Variants in MDGA2 observed in about 807,000 individuals in gnomAD.
The protein encoded by MDGA2 is MAM domain-containing glycosylphosphatidylinositol anchor protein 2.
In MDGA2, 40 loss-of-function variants were observed where a neutral mutation model predicts 117.8. The ratio of observed to expected loss-of-function variants is 0.34; its 90% CI spans 0.26 to 0.44. The LOEUF is 0.44. Ranked by LOEUF, MDGA2 falls within the 20% of genes least tolerant of loss-of-function variation. The probability of loss-of-function intolerance (pLI) is 1.00; values close to 1 mark genes in which losing one functional copy is unlikely to be tolerated. For missense variants in MDGA2, 1,123 were observed against 1,250.6 expected, an observed-to-expected ratio of 0.90 and a Z score of 1.54; for synonymous variants, 452 against 439.0, an observed-to-expected ratio of 1.03 and a Z score of -0.37.
chr14:46,878,850 A>G (rs1392064015), intron 11 of MDGA2, among the ~76,000 whole-genome samples: 3 of 152,044 alleles, frequency 2.0e-5, no homozygotes, highest in Non-Finnish European at 2.9e-5. Context: ...TAGTTCTAAG[A>G]TATGTTGTAT....
chr14:46,978,212 C>A (rs978500557), intron 8 of MDGA2, among the ~76,000 whole-genome samples: 8 of 151,850 alleles, frequency 5.3e-5, no homozygotes, highest in Non-Finnish European at 1.0e-4. Flanking sequence ...ATCACATTGT[C>A]TTAATTTACT....
chr14:47,142,957 G>A (rs1399959199), intron 4 of MDGA2, among the ~76,000 whole-genome samples: 1 of 152,140 alleles, frequency 6.6e-6, no homozygotes, highest in African/African-American at 2.4e-5. Context: ...TTGCAAAACA[G>A]GAATATATAT....
chr14:47,101,856 A>G (rs1056131043), intron 5 of MDGA2, among the ~76,000 whole-genome samples: 1 of 152,198 alleles, frequency 6.6e-6, no homozygotes, highest in Non-Finnish European at 1.5e-5. Flanking sequence ...AGAGACAGAT[A>G]CATATTTTTC....
intron 1 of MDGA2, among the ~76,000 whole-genome samples, chr14:47,505,631 T>C (rs4900778): frequency 0.19 from 29,086 of 152,136 alleles, 3,491 homozygotes; most frequent in East Asian, 0.53. Flanking sequence ...TATGTCATTA[T>C]TTGCAAAATG....
chr14:46,900,784 G>A (rs568090864), intron 10 of MDGA2, among the ~76,000 whole-genome samples: 2 of 152,180 alleles, frequency 1.3e-5, no homozygotes, highest in South Asian at 2.1e-4. Flanking sequence ...ACAAAGCTAC[G>A]CACATGCAAA....
intron 1 of MDGA2, among the ~76,000 whole-genome samples, chr14:47,637,395 C>T (rs945325104): frequency 6.6e-5 from 10 of 152,096 alleles, no homozygotes; most frequent in African/African-American, 2.4e-4. Flanking sequence ...AACTAAATTC[C>T]GCATAAATAT....
chr14:46,993,268 G>A (rs1051934822), intron 8 of MDGA2, among the ~76,000 whole-genome samples: 5 of 152,008 alleles, frequency 3.3e-5, no homozygotes, highest in African/African-American at 4.8e-5. Flanking sequence ...ACACCTGGAA[G>A]CAATTTGCCT....
At chr14:47,177,496 T>C (rs1409544081) in intron 3 of MDGA2, among the ~76,000 whole-genome samples, 1 of 152,140 alleles carries the variant, frequency 6.6e-6, no homozygotes, top group Non-Finnish European at 1.5e-5. Context: ...TTCATGTCCT[T>C]TGTAGGGACA....
At chr14:47,151,430 G>A (rs568028523) in intron 3 of MDGA2, among the ~76,000 whole-genome samples, 13 of 152,258 alleles carry the variant, frequency 8.5e-5, no homozygotes, top group African/African-American at 3.1e-4. Context: ...TTATGATAAG[G>A]ACTTGAAGTT....
intron 2 of MDGA2, among the ~76,000 whole-genome samples, chr14:47,222,125 T>C (rs1886326130): frequency 6.6e-6 from 1 of 152,026 alleles, no homozygotes; most frequent in South Asian, 2.1e-4. Context: ...AAGAGCCTAC[T>C]AGACTGAATT....
chr14:47,200,895 C>A (rs1333128423), intron 3 of MDGA2: 6 of 851,268 alleles, frequency 7.0e-6, no homozygotes, highest in Non-Finnish European at 1.2e-5. Flanking sequence ...CAGTCCAGAG[C>A]GGCCTGGCCT....
intron 2 of MDGA2, among the ~76,000 whole-genome samples, chr14:47,221,075 G>A (rs1330048658): frequency 2.0e-5 from 3 of 152,104 alleles, no homozygotes; most frequent in Non-Finnish European, 4.4e-5. Context: ...GAATAAGGAG[G>A]ATTTCCTTGG....
chr14:47,317,738 C>T (rs1889851204), intron 1 of MDGA2, among the ~76,000 whole-genome samples: 1 of 152,050 alleles, frequency 6.6e-6, no homozygotes, highest in Admixed American at 6.6e-5. Flanking sequence ...TTTTTCTCAT[C>T]CATTCTTACC....
At chr14:47,440,443 G>A (rs1881586507) in intron 1 of MDGA2, among the ~76,000 whole-genome samples, 1 of 152,086 alleles carries the variant, frequency 6.6e-6, no homozygotes, top group African/African-American at 2.4e-5. Context: ...ACTGTCTCAT[G>A]AAACCTTGTC....
intron 8 of MDGA2, among the ~76,000 whole-genome samples, chr14:47,002,881 T>C (rs1887581688): frequency 6.6e-6 from 1 of 152,142 alleles, no homozygotes; most frequent in Non-Finnish European, 1.5e-5. Flanking sequence ...AAGTGTGTAA[T>C]TTGATAATTA....
chr14:47,424,531 T>C (rs1399560955), intron 1 of MDGA2, among the ~76,000 whole-genome samples: 1 of 152,198 alleles, frequency 6.6e-6, no homozygotes, highest in African/African-American at 2.4e-5. Context: ...ATATCCCTTA[T>C]ACTCATTTGT....
chr14:46,903,472 T>G (rs1409669709), intron 10 of MDGA2, among the ~76,000 whole-genome samples: 2 of 152,174 alleles, frequency 1.3e-5, no homozygotes, highest in Non-Finnish European at 2.9e-5. Flanking sequence ...TTTGAATGAT[T>G]TAGAAGACTT....
chr14:47,077,945 A>G (rs1340274400), intron 6 of MDGA2, among the ~76,000 whole-genome samples: 8 of 152,130 alleles, frequency 5.3e-5, no homozygotes. Context: ...TACAACAAAC[A>G]AGAAACAATT....
intron 1 of MDGA2, among the ~76,000 whole-genome samples, chr14:47,539,174 T>C (rs1384708325): frequency 6.6e-6 from 1 of 152,150 alleles, no homozygotes; most frequent in Non-Finnish European, 1.5e-5. Context: ...CAACTGTACA[T>C]AGGAGACCAT....
Sources: allele counts gnomAD v4.1 joint callset (sites outside exome capture counted in the v4.1 genomes callset), GRCh38; gene constraint gnomAD v4.1.1; transcripts MANE v1.5; gene names NCBI Gene and HGNC (gene_info 2026-07-23, HGNC 2026-07-21).